The following DSCAM variants were observed in gnomAD, a reference collection of about 807,000 sequenced individuals.
The protein encoded by DSCAM is cell adhesion molecule DSCAM.
A neutral mutation model predicts 217.7 loss-of-function variants in DSCAM; 47 were observed. The ratio of observed to expected loss-of-function variants is 0.22; its 90% confidence interval spans 0.17 to 0.28. The LOEUF (loss-of-function observed/expected upper bound fraction) is 0.28, where lower values mean the gene tolerates loss of function less well. Ranked by LOEUF, DSCAM falls within the 10% of genes least tolerant of loss-of-function variation. The pLI, the probability that DSCAM is intolerant of heterozygous loss-of-function variation, is 1.00. For missense variants in DSCAM, 2,080 were observed against 2,618.3 expected (o/e 0.79, Z 4.49); for synonymous variants, 1,056 against 1,015.3 (o/e 1.04, Z -0.76).
At chr21:40,705,769 G>C (rs151054701) in intron 2 of DSCAM, among the ~76,000 whole-genome samples, 1 of 152,180 alleles carries the variant, frequency 6.6e-6, no homozygotes, top group African/African-American at 2.4e-5. Flanking sequence ...ATTTGGGTGC[G>C]GACATAGAGT....
chr21:40,639,313 T>C (rs913575527), intron 3 of DSCAM, among the ~76,000 whole-genome samples: 2 of 152,192 alleles, frequency 1.3e-5, no homozygotes, highest in African/African-American at 4.8e-5. Flanking sequence ...AGAACAATGA[T>C]GTTGAGAGTT....
intron 3 of DSCAM, among the ~76,000 whole-genome samples, chr21:40,373,000 T>C (rs2074914081): frequency 6.7e-6 from 1 of 149,178 alleles, no homozygotes; most frequent in Admixed American, 7.1e-5. Context: ...ATTAGCCCAG[T>C]AGGAAAATGT....
rs567741066 is a variant in DSCAM, at chr21:40,579,947, C to T, written c.508+112863G>A. On this transcript the variant is annotated intron_variant, in intron 3 of 32. Coordinates refer to ENST00000400454, the MANE Select transcript of DSCAM (RefSeq NM_001389.5). ...CCACGTGGTGGCCCAGGGTACTCAG[C>T]TGATGGTCAGGCCTCTCTCCTGATT... Among the ~76,000 whole-genome samples the T allele has an allele frequency of 1.6e-4, 24 of 152,288 alleles. 1 individual carries two copies. The East Asian group carries it at 4.7e-3, about 30-fold the overall frequency.
intron 3 of DSCAM, among the ~76,000 whole-genome samples, chr21:40,371,008 G>C (rs1476314755): frequency 2.6e-5 from 4 of 152,104 alleles, no homozygotes; most frequent in African/African-American, 9.7e-5. Flanking sequence ...ATGTGAAAAA[G>C]ATCATAAAAT....
intron 1 of DSCAM, among the ~76,000 whole-genome samples, chr21:40,773,244 G>A (rs1460850127): frequency 2.0e-5 from 3 of 152,204 alleles, no homozygotes; most frequent in African/African-American, 7.2e-5. Context: ...ACTTCCACAT[G>A]TCTGGTTGCT....
intron 3 of DSCAM, among the ~76,000 whole-genome samples, chr21:40,416,595 T>C (rs1203581586): frequency 3.3e-5 from 5 of 152,084 alleles, no homozygotes; most frequent in African/African-American, 4.8e-5. Context: ...AAATGACAGG[T>C]TTGTAGTTTC....
chr21:40,197,480 C>T lies in DSCAM; in HGVS notation c.2357-8242G>A, dbSNP rs2091024891. 2.0e-5 allele frequency among the ~76,000 whole-genome samples: 3 copies of T among 152,160 alleles called. No individual in the cohort carries two copies. The South Asian group carries it at 6.2e-4, about 32-fold the overall frequency. On this transcript the variant is annotated intron_variant, in intron 11 of 32. Coordinates refer to ENST00000400454, the MANE Select transcript of DSCAM (RefSeq NM_001389.5). ...GGGTTTAAGACTGGAAATGACTAGACCTATTCCCCTTGCCTCTCTCCTATC... is the reference window on the plus strand; with the variant it reads ...GGGTTTAAGACTGGAAATGACTAGATCTATTCCCCTTGCCTCTCTCCTATC...
At chr21:40,838,970 T>C (rs2092078955) in intron 1 of DSCAM, among the ~76,000 whole-genome samples, 1 of 152,112 alleles carries the variant, frequency 6.6e-6, no homozygotes, top group African/African-American at 2.4e-5. Flanking sequence ...AAGTAACAAA[T>C]ACAGGCCTAG....
intron 1 of DSCAM, among the ~76,000 whole-genome samples, chr21:40,760,795 T>G (rs538804985): frequency 6.6e-6 from 1 of 152,322 alleles, no homozygotes; most frequent in East Asian, 1.9e-4. Context: ...GGACTGTGCC[T>G]GGCCTCCAGA....
At chr21:40,737,610 C>T (rs1416560741) in intron 1 of DSCAM, among the ~76,000 whole-genome samples, 1 of 152,208 alleles carries the variant, frequency 6.6e-6, no homozygotes, top group East Asian at 1.9e-4. Flanking sequence ...CACTTAACTC[C>T]AGCCTAGGCA....
chr21:40,112,019 T>A (rs1278108013), intron 20 of DSCAM, among the ~76,000 whole-genome samples: 1 of 151,594 alleles, frequency 6.6e-6, no homozygotes, highest in Admixed American at 6.6e-5. Context: ...AGACAGAAAG[T>A]TAACAAGGAT....
intron 3 of DSCAM, among the ~76,000 whole-genome samples, chr21:40,426,053 T>A (rs945641511): frequency 6.6e-6 from 1 of 152,368 alleles, no homozygotes; most frequent in South Asian, 2.1e-4. Flanking sequence ...AATTTGCACC[T>A]GTGAACACAC....
intron 16 of DSCAM, among the ~76,000 whole-genome samples, chr21:40,158,884 C>T (rs2090508233): frequency 6.6e-6 from 1 of 152,188 alleles, no homozygotes; most frequent in East Asian, 1.9e-4. Flanking sequence ...TTTGAAGTAG[C>T]TTTCAGCATT....
At chr21:40,239,357 C>A (rs1293572734) in intron 11 of DSCAM, among the ~76,000 whole-genome samples, 1 of 151,962 alleles carries the variant, frequency 6.6e-6, no homozygotes, top group East Asian at 1.9e-4. Flanking sequence ...TGCTTTAGAT[C>A]ACAAGATAGA....
At chr21:40,799,971 G>A (rs2091725050) in intron 1 of DSCAM, among the ~76,000 whole-genome samples, 1 of 152,208 alleles carries the variant, frequency 6.6e-6, no homozygotes, top group Admixed American at 6.5e-5. Context: ...ATATTGAAAT[G>A]TGGACTTTTA....
chr21:40,353,263 G>T (rs2074653351), intron 5 of DSCAM, among the ~76,000 whole-genome samples: 1 of 152,214 alleles, frequency 6.6e-6, no homozygotes, highest in African/African-American at 2.4e-5. Flanking sequence ...AAATCCGACA[G>T]CCAAGACTCT....
chr21:40,160,890 C>T (rs2837470), intron 16 of DSCAM, among the ~76,000 whole-genome samples: 100,724 of 152,140 alleles, frequency 0.66, 33,874 homozygotes, highest in African/African-American at 0.77. Flanking sequence ...ATTTCTGGCT[C>T]GACGGCAGAC....
intron 3 of DSCAM, among the ~76,000 whole-genome samples, chr21:40,461,328 CAATAAT>C (rs1056127157): frequency 6.6e-6 from 1 of 152,096 alleles, no homozygotes; most frequent in African/African-American, 2.4e-5. Flanking sequence ...AACATTATAA[CAATAAT>C]AATAACATTT....
intron 11 of DSCAM, among the ~76,000 whole-genome samples, chr21:40,269,922 T>C (rs1365588886): frequency 6.6e-6 from 1 of 152,102 alleles, no homozygotes; most frequent in Non-Finnish European, 1.5e-5. Context: ...AAATTCAACA[T>C]ACAAATCTAG....
Sources: allele counts gnomAD v4.1 joint callset (sites outside exome capture counted in the v4.1 genomes callset), GRCh38; gene constraint gnomAD v4.1.1; transcripts MANE v1.5; gene names NCBI Gene and HGNC (gene_info 2026-07-23, HGNC 2026-07-21).